PELI1: variants seen among roughly 807,000 people sequenced by gnomAD.
PELI1 encodes pellino E3 ubiquitin protein ligase 1, also known as E3 ubiquitin-protein ligase pellino homolog 1.
PELI1 carries 15 observed loss-of-function variants against 41.3 expected under a neutral mutation model. That is an observed-to-expected ratio of 0.36 (90% confidence interval 0.24 to 0.56). The LOEUF is 0.56. Among genes scored for constraint, PELI1 ranks in the 20% least tolerant of loss-of-function variants. The probability of loss-of-function intolerance (pLI) is 0.82; values close to 1 mark genes in which losing one functional copy is unlikely to be tolerated. For synonymous variants in PELI1, 178 were observed against 180.1 expected (o/e 0.99, Z 0.09); for missense variants, 403 against 525.5 (o/e 0.77, Z 2.28).
intron 1 of PELI1, among the ~76,000 whole-genome samples, chr2:64,119,667 GAAGT>G (rs781005233): frequency 3.3e-4 from 50 of 152,300 alleles, no homozygotes; most frequent in Non-Finnish European, 6.8e-4. Context: ...GAAAGAAACA[GAAGT>G]AAGAGGAAGC....
intron 1 of PELI1, among the ~76,000 whole-genome samples, chr2:64,141,070 G>A (rs1410958115): frequency 6.6e-6 from 1 of 152,124 alleles, no homozygotes; most frequent in Non-Finnish European, 1.5e-5. Context: ...TGGAAAAGAT[G>A]GCTAGAAATC....
chr2:64,139,430 C>A (rs773514642), intron 1 of PELI1, among the ~76,000 whole-genome samples: 1 of 151,946 alleles, frequency 6.6e-6, no homozygotes, highest in African/African-American at 2.4e-5. Flanking sequence ...CTCAGCTTCC[C>A]GAGTAGTTGG....
At chr2:64,112,015 A>G (rs1680820917) in intron 1 of PELI1, among the ~76,000 whole-genome samples, 1 of 152,180 alleles carries the variant, frequency 6.6e-6, no homozygotes, top group Admixed American at 6.5e-5. Context: ...AATTTTAATA[A>G]CGTTGCTTTG....
chr2:64,137,427 A>G (rs1681752356), intron 1 of PELI1, among the ~76,000 whole-genome samples: 1 of 152,066 alleles, frequency 6.6e-6, no homozygotes, highest in Admixed American at 6.6e-5. Context: ...TATAAATGAA[A>G]TTTACCTGAA....
rs77648713 is a variant in PELI1 at position 64,122,710 on chromosome 2, T to C, written c.-69-14331A>G. On this transcript the variant is annotated intron_variant, in intron 1 of 6. Coordinates refer to ENST00000358912, the MANE Select transcript of PELI1 (RefSeq NM_020651.4). ...TTTGCTATTCTACAGTACATTTGTA[T>C]TGAATATCGAAACATGCCCAGTTTT... Among the ~76,000 whole-genome samples the C allele has an allele frequency of 4.1e-3, 625 of 152,316 alleles. 3 individuals carry two copies. Among genetic ancestry groups the C allele is most frequent in the African/African-American group, 0.014 (589 of 41,566 alleles).
intron 4 of PELI1, among the ~76,000 whole-genome samples, chr2:64,099,138 C>G (rs1275944366): frequency 6.6e-6 from 1 of 150,794 alleles, no homozygotes; most frequent in African/African-American, 2.4e-5. Flanking sequence ...AGCTAAAATT[C>G]TAGCCTGTGA....
intron 1 of PELI1, among the ~76,000 whole-genome samples, chr2:64,127,609 T>C (rs1313000153): frequency 1.3e-5 from 2 of 152,232 alleles, no homozygotes; most frequent in Non-Finnish European, 2.9e-5. Flanking sequence ...GGAACTTTTG[T>C]TATGTTAAAA....
chr2:64,107,803 A>C (rs1680671431), intron 2 of PELI1, among the ~76,000 whole-genome samples: 1 of 151,930 alleles, frequency 6.6e-6, no homozygotes, highest in African/African-American at 2.4e-5. Context: ...TCAATCTCCC[A>C]AGTAACTGGG....
At chr2:64,130,637 G>A (rs1681525715) in intron 1 of PELI1, among the ~76,000 whole-genome samples, 1 of 152,120 alleles carries the variant, frequency 6.6e-6, no homozygotes, top group Non-Finnish European at 1.5e-5. Context: ...TAATATTGAA[G>A]AAATAAGGGA....
At position 64,111,856 on chromosome 2, in the gene PELI1, C is replaced by G. The variant is rs1680816340; in HGVS notation, c.-69-3477G>C. Among the ~76,000 whole-genome samples the G allele has an allele frequency of 3.3e-5, 5 of 152,108 alleles. No homozygotes were observed. In the South Asian group the frequency reaches 1.0e-3, roughly 32 times the overall value. On this transcript the variant is annotated intron_variant, in intron 1 of 6. Coordinates refer to ENST00000358912, the MANE Select transcript of PELI1 (RefSeq NM_020651.4). ...TTCATTTAAAAAAGTTATACAGAAG[C>G]TTAACTAGAGGCATTAGCTGTGCTT... is the stretch of plus-strand genomic sequence containing the variant.
In PELI1 at chr2:64,093,345, AAG is replaced by A. The variant is rs2103650215; in HGVS notation, c.*1355_*1356del. On this transcript the variant is annotated 3_prime_UTR_variant, in exon 7 of 7. Transcript: ENST00000358912. ...AAAGGAAAACAAATCAAAATATTAA[AAG>A]AAGATACTGTCTAATCTAAAAGTGT... is the stretch of plus-strand genomic sequence containing the variant. The A allele has an allele frequency of 6.5e-6, 1 of 152,766 alleles. No homozygotes were observed. Among genetic ancestry groups the A allele is most frequent in the South Asian group, 2.1e-4 (1 of 4,832 alleles). The allele number at this position is 152,766 out of a possible 1,614,324, so 9.5% of individuals were successfully genotyped here. A position where few individuals can be genotyped will look rare whatever the true frequency, so the allele number is the denominator to read the frequency against.
chr2:64,130,725 T>C (rs1681528331), intron 1 of PELI1, among the ~76,000 whole-genome samples: 1 of 152,170 alleles, frequency 6.6e-6, no homozygotes, highest in African/African-American at 2.4e-5. Flanking sequence ...CATACATATT[T>C]CTATAAAATT....
chr2:64,119,720 T>C (rs186373761), intron 1 of PELI1, among the ~76,000 whole-genome samples: 59 of 152,300 alleles, frequency 3.9e-4, no homozygotes, highest in Non-Finnish European at 7.1e-4. Context: ...TATCAAGTTA[T>C]AGAGTAAGGT....
At chr2:64,133,430 G>A (rs1681621890) in intron 1 of PELI1, among the ~76,000 whole-genome samples, 1 of 152,034 alleles carries the variant, frequency 6.6e-6, no homozygotes, top group Non-Finnish European at 1.5e-5. Context: ...ATGACAAAGA[G>A]ATTTCATCAG....
chr2:64,115,406 C>G (rs1680960089), intron 1 of PELI1, among the ~76,000 whole-genome samples: 1 of 152,164 alleles, frequency 6.6e-6, no homozygotes. Context: ...TAAGGTCTAT[C>G]TTGAACTTGC....
At chr2:64,142,927 G>A (rs957629148) in intron 1 of PELI1, among the ~76,000 whole-genome samples, 2 of 152,154 alleles carry the variant, frequency 1.3e-5, no homozygotes, top group South Asian at 2.1e-4. Context: ...CCTGTGAACC[G>A]AAACAGATGA....
intron 1 of PELI1, among the ~76,000 whole-genome samples, chr2:64,125,572 A>G (rs1004376158): frequency 2.0e-5 from 3 of 152,338 alleles, no homozygotes; most frequent in Non-Finnish European, 4.4e-5. Context: ...CAGATTTGGT[A>G]TTTAATCCAA....
intron 3 of PELI1, 199 bp downstream of exon 3, chr2:64,104,502 A>AC: frequency 1.4e-6 from 1 of 717,600 alleles, no homozygotes; most frequent in Non-Finnish European, 1.9e-6. Flanking sequence ...CTGGTTTGTC[A>AC]TTTTTTTTTT....
chr2:64,104,920 C>G (rs1680571961), intron 2 of PELI1, 90 bp from the exon 3 acceptor site: 1 of 1,066,892 alleles, frequency 9.4e-7, no homozygotes, highest in Admixed American at 2.5e-5. Context: ...GAATCAATTC[C>G]CAATTAATTA....
Sources: gnomAD v4.1 joint callset for allele counts (sites outside exome capture counted in the v4.1 genomes callset) on GRCh38, gnomAD v4.1.1 for gene constraint, MANE v1.5 for transcripts, NCBI Gene and HGNC (gene_info 2026-07-23, HGNC 2026-07-21) for gene names.